The following RAB27B variants were observed in gnomAD, a reference collection of about 807,000 sequenced individuals.
The protein encoded by RAB27B is ras-related protein Rab-27B.
In RAB27B, 15 loss-of-function variants were observed where a neutral mutation model predicts 24.6. That is an observed-to-expected ratio of 0.61 (90% CI 0.41 to 0.94). The LOEUF is 0.94. RAB27B is among the 40% of genes least tolerant of loss of function. The probability of loss-of-function intolerance (pLI) is 0.00; values close to 1 mark genes in which losing one functional copy is unlikely to be tolerated. For synonymous variants in RAB27B, 105 were observed against 92.5 expected (o/e 1.14, Z -0.78); for missense variants, 261 against 266.8 (o/e 0.98, Z 0.15).
At chr18:54,822,730 A>G in intron 2 of RAB27B, among the ~76,000 whole-genome samples, 1 of 152,314 alleles carries the variant, frequency 6.6e-6, no homozygotes, top group Admixed American at 6.5e-5. Flanking sequence ...TTGATTAAAC[A>G]ATGTTGTAAT....
intron 1 of RAB27B, among the ~76,000 whole-genome samples, chr18:54,849,721 AAAAC>A (rs1041247604): frequency 1.6e-4 from 24 of 152,272 alleles, no homozygotes; most frequent in African/African-American, 5.1e-4. Flanking sequence ...ACTCTGTCTC[AAAAC>A]AAACAAACAA....
In RAB27B at chr18:54,892,013, T is replaced by C. The variant is rs1288159800; in HGVS notation, c.*2600T>C. The C allele has an allele frequency of 6.6e-6, 1 of 152,068 alleles. No individual in the cohort carries two copies. Among genetic ancestry groups the C allele is most frequent in the African/African-American group, 2.4e-5 (1 of 41,428 alleles). 9.4% of individuals were successfully genotyped at this position (152,068 alleles called of 1,614,324 possible). On this transcript the variant is annotated 3_prime_UTR_variant, in exon 6 of 6. Coordinates refer to ENST00000262094, the MANE Select transcript of RAB27B (RefSeq NM_004163.4). ...CCTTCTCTCATTATTTCAGGATTAGTAGTTCTGTGTAATTCATTTTACAAT... is the reference window on the plus strand; with the variant it reads ...CCTTCTCTCATTATTTCAGGATTAGCAGTTCTGTGTAATTCATTTTACAAT...
chr18:54,797,875 G>C (rs547434268), intron 2 of RAB27B, among the ~76,000 whole-genome samples: 4 of 152,202 alleles, frequency 2.6e-5, no homozygotes, highest in Non-Finnish European at 5.9e-5. Flanking sequence ...CAAATGATAC[G>C]CTCACCATCA....
chr18:54,887,990 T>C lies in RAB27B; in HGVS notation c.344-5T>C, dbSNP rs556477207. ...CTTGCTGGTTCCATCTGCTTTCTTT[T>C]CAAGGCCAACTGCAAGCAAATGCTT... On this transcript the variant is annotated splice_region_variant and splice_polypyrimidine_tract_variant and intron_variant, in intron 4 of 5. Transcript: ENST00000262094. 4 of 1,608,972 alleles carry C rather than the reference T, an allele frequency of 2.5e-6. No individual in the cohort carries two copies. In the African/African-American group the frequency reaches 4.0e-5, roughly 16 times the overall value.
At position 54,789,614 on chromosome 18, in the gene RAB27B, T is replaced by C. The variant is rs1003257070; in HGVS notation, c.-20+71473T>C. The stretch of plus-strand genomic sequence containing the variant: ...GTCTTCCAACACAAAATAATGTTTT[T>C]TTATTTGAACTTGGTAAGATGTTGC... On this transcript the variant is annotated intron_variant, in intron 2 of 4. Transcript: ENST00000586570. Among the ~76,000 whole-genome samples the C allele has an allele frequency of 3.3e-5, 5 of 152,140 alleles. No homozygotes were observed. The South Asian group carries it at 8.3e-4, about 25-fold the overall frequency.
intron 2 of RAB27B, among the ~76,000 whole-genome samples, chr18:54,780,548 G>T (rs958427784): frequency 6.6e-6 from 1 of 151,904 alleles, no homozygotes; most frequent in South Asian, 2.1e-4. Context: ...GTGTCCTCGC[G>T]TGGCCTTTTC....
rs552342874 is a variant in RAB27B, at chr18:54,858,945, C to G, written c.-19-18622C>G. On this transcript the variant is annotated intron_variant, in intron 1 of 5. Transcript: ENST00000262094. ...ATGACAGCTTTTTGTGATCTTTTTT[C>G]CACTAAAATGTTAACATTTACCTTT... is the stretch of plus-strand genomic sequence containing the variant. Among the ~76,000 whole-genome samples, 3 of 152,088 alleles carry G rather than the reference C, an allele frequency of 2.0e-5. No homozygotes were observed. The East Asian group carries it at 5.8e-4, about 29-fold the overall frequency.
chr18:54,758,963 T>C (rs1908096275), intron 2 of RAB27B, among the ~76,000 whole-genome samples: 2 of 152,198 alleles, frequency 1.3e-5, no homozygotes, highest in African/African-American at 4.8e-5. Context: ...ATTGTATAAT[T>C]AGCACAAACT....
At position 54,889,210 on chromosome 18, in the gene RAB27B, C is replaced by G; in HGVS notation, c.468-14C>G. On this transcript the variant is annotated splice_polypyrimidine_tract_variant and intron_variant, in intron 5 of 5. Coordinates refer to ENST00000262094, the MANE Select transcript of RAB27B (RefSeq NM_004163.4). ...TCTTCCTCTCAAAAATATTTGCCAT[C>G]CTTTCTATGCTAGCATACCATATTT... 1 of 1,589,282 alleles carries G rather than the reference C, an allele frequency of 6.3e-7. No homozygotes were observed. The highest frequency in any genetic ancestry group is 8.6e-7 in the Non-Finnish European group (1 of 1,169,356).
chr18:54,768,208 AAG>A (rs1179415007), intron 2 of RAB27B, among the ~76,000 whole-genome samples: 3 of 152,116 alleles, frequency 2.0e-5, no homozygotes, highest in Non-Finnish European at 4.4e-5. Flanking sequence ...GCAAATCAAA[AAG>A]AGGGGATTAG....
chr18:54,720,799 G>A (rs1909336673), intron 2 of RAB27B, among the ~76,000 whole-genome samples: 1 of 152,072 alleles, frequency 6.6e-6, no homozygotes, highest in Non-Finnish European at 1.5e-5. Flanking sequence ...ATAACAAACG[G>A]TCCTTTTTTA....
chr18:54,815,915 T>C, intron 2 of RAB27B, among the ~76,000 whole-genome samples: 1 of 152,144 alleles, frequency 6.6e-6, no homozygotes, highest in Non-Finnish European at 1.5e-5. Context: ...TGATCCACCA[T>C]GCCTGGCCAG....
At chr18:54,849,755 G>C (rs1041805111) in intron 1 of RAB27B, among the ~76,000 whole-genome samples, 2 of 151,832 alleles carry the variant, frequency 1.3e-5, no homozygotes, top group Non-Finnish European at 2.9e-5. Context: ...AAATCACTAG[G>C]GGATATATAG....
At chr18:54,865,710 A>C (rs945589749) in intron 1 of RAB27B, among the ~76,000 whole-genome samples, 1 of 152,256 alleles carries the variant, frequency 6.6e-6, no homozygotes, top group African/African-American at 2.4e-5. Context: ...GGAAATGCCA[A>C]AACTACACCT....
intron 1 of RAB27B, among the ~76,000 whole-genome samples, chr18:54,853,494 G>T (rs1229553539): frequency 6.6e-6 from 1 of 152,130 alleles, no homozygotes; most frequent in Non-Finnish European, 1.5e-5. Context: ...TTTGACTTGG[G>T]TCTTGGCCCA....
intron 2 of RAB27B, among the ~76,000 whole-genome samples, chr18:54,802,285 CT>C (rs1438468338): frequency 6.6e-6 from 1 of 152,196 alleles, no homozygotes; most frequent in Non-Finnish European, 1.5e-5. Flanking sequence ...CTGAGATGAG[CT>C]GAGTTTCTTC....
chr18:54,872,565 C>T (rs529688095), intron 1 of RAB27B, among the ~76,000 whole-genome samples: 7 of 148,582 alleles, frequency 4.7e-5, no homozygotes, highest in East Asian at 4.0e-4. Context: ...GTGGAGGTTG[C>T]GGTGAGCTGA....
intron 2 of RAB27B, among the ~76,000 whole-genome samples, chr18:54,770,930 T>C (rs1372316215): frequency 6.6e-6 from 1 of 152,218 alleles, no homozygotes. Flanking sequence ...TATTTATATG[T>C]TAATTCTAGG....
At chr18:54,730,764 A>G (rs1909705154) in intron 2 of RAB27B, among the ~76,000 whole-genome samples, 1 of 152,174 alleles carries the variant, frequency 6.6e-6, no homozygotes, top group Non-Finnish European at 1.5e-5. Context: ...CCTCACCAGA[A>G]GCAGATGCCA....
Sources: allele counts gnomAD v4.1 joint callset (sites outside exome capture counted in the v4.1 genomes callset), GRCh38; gene constraint gnomAD v4.1.1; transcripts MANE v1.5; gene names NCBI Gene and HGNC (gene_info 2026-07-23, HGNC 2026-07-21).